Variants in NDRG4 observed in about 807,000 individuals in gnomAD.
The protein encoded by NDRG4 is NDRG family member 4, also known as protein NDRG4.
NDRG4 carries 38 observed loss-of-function variants against 55.8 expected under a neutral mutation model. That is an observed-to-expected ratio of 0.68 (90% CI 0.53 to 0.89). The LOEUF (loss-of-function observed/expected upper bound fraction) is 0.89. Ranked by LOEUF, NDRG4 falls within the 40% of genes least tolerant of loss-of-function variation. The pLI, the probability that NDRG4 is intolerant of heterozygous loss-of-function variation, is 0.00. For missense variants in NDRG4, 455 were observed against 468.6 expected, an observed-to-expected ratio of 0.97 and a Z score of 0.27; for synonymous variants, 190 against 182.7, an observed-to-expected ratio of 1.04 and a Z score of -0.32.
Position 58,511,442 on chromosome 16 carries a change from C to T in NDRG4, c.925C>T (p.Arg309Cys), listed in dbSNP as rs1412697390. 2.5e-6 allele frequency: 4 copies of T among 1,607,954 alleles called. No individual in the cohort carries two copies. The highest frequency in any genetic ancestry group is 1.3e-5 in the African/African-American group (1 of 74,810). The change falls in exon 15 of 15, where the codon CGC (arginine) becomes TGC (cysteine). Residue 309 changes from arginine (R) to cysteine (C), a missense_variant. Physicochemically the swap from Arg to Cys is radical, Grantham distance 180. Coordinates refer to ENST00000570248, the MANE Select transcript of NDRG4 (RefSeq NM_001242835.2). ...CACAGTGCCCTCAGCCAGCATGACC[C>T]GCCTGGCACGCTCCCGCACTGCATC... is the stretch of plus-strand genomic sequence containing the variant. ...GGAVPSASMT[R>C]LARSRTASLT...
intron 8 of NDRG4, chr16:58,507,240 TC>T: frequency 1.8e-6 from 1 of 557,180 alleles, no homozygotes; most frequent in Admixed American, 3.1e-5. Context: ...CTTTTCCTCC[TC>T]CCCTGGGGGC....
At position 58,464,557 on chromosome 16, in the gene NDRG4, C is replaced by A; in HGVS notation, c.-24+760C>A. ...GGCCGGGGACTGGGGCGGCTCGGGT[C>A]TGAGCAGGAAGGGGTGCGGACCCCA... On this transcript the variant is annotated intron_variant, in intron 1 of 15. Transcript: ENST00000258187. The surrounding 1 kb of genome is among the most constrained non-coding windows in gnomAD (Gnocchi z 4.8). 1 of 1,199,522 alleles carries A rather than the reference C, an allele frequency of 8.3e-7. No individual in the cohort carries two copies. Among genetic ancestry groups the A allele is most frequent in the Non-Finnish European group, 1.1e-6 (1 of 936,904 alleles). The allele number at this position is 1,199,522 out of a possible 1,614,324, so 74.3% of individuals were successfully genotyped here. A position where few individuals can be genotyped will look rare whatever the true frequency, so the allele number is the denominator to read the frequency against.
Position 58,506,952 on chromosome 16 carries a change from G to T in NDRG4, c.557G>T (p.Arg186Leu), listed in dbSNP as rs761399816. 6.2e-7 allele frequency: 1 copy of T among 1,614,116 alleles called. No individual in the cohort carries two copies. The highest frequency in any genetic ancestry group is 1.7e-5 in the Admixed American group (1 of 60,010). ...VNNTELVQSYRQQIGNVVNQA... is the reference protein window; with the variant it reads ...VNNTELVQSYLQQIGNVVNQA... ...AACACAGAGTTGGTGCAGAGCTACC[G>T]GCAGCAGATTGGGAACGTGGTGAAC... is the stretch of plus-strand genomic sequence containing the variant. Residue 186 changes from arginine (R) to leucine (L), a missense_variant, in exon 8 of 15, where the codon CGG becomes CTG. Physicochemically the swap from Arg to Leu is moderately radical, Grantham distance 102. Coordinates refer to ENST00000570248, the MANE Select transcript of NDRG4 (RefSeq NM_001242835.2).
downstream of NDRG4, among the ~76,000 whole-genome samples, chr16:58,514,779 AAACT>A (rs1276134696): frequency 6.6e-6 from 1 of 150,446 alleles, no homozygotes; most frequent in African/African-American, 2.4e-5. Context: ...AAAAAAAAAA[AAACT>A]GAGTGTTGAG....
chr16:58,506,015 C>T, intron 5 of NDRG4: 1 of 349,940 alleles, frequency 2.9e-6, no homozygotes. Flanking sequence ...AGCCACGGCG[C>T]CTGGCCAGGG....
At position 58,511,467 on chromosome 16, in the gene NDRG4, C is replaced by T. The variant is rs1204590394; in HGVS notation, c.950C>T (p.Ser317Phe). 2 of 1,612,824 alleles carry T rather than the reference C, an allele frequency of 1.2e-6. No individual in the cohort carries two copies. Among genetic ancestry groups the T allele is most frequent in the Non-Finnish European group, 1.7e-6 (2 of 1,179,920 alleles). Residue 317 changes from serine to phenylalanine, a missense_variant, in exon 15 of 15, where the codon TCC becomes TTC. By Grantham distance (155) the Ser-to-Phe change is radical (BLOSUM62 -2). Coordinates refer to ENST00000570248, the MANE Select transcript of NDRG4 (RefSeq NM_001242835.2). ...CGCCTGGCACGCTCCCGCACTGCAT[C>T]CCTCACCAGTGCCAGCTCGGTGGAT... ...MTRLARSRTA[S>F]LTSASSVDGS...
intron 3 of NDRG4, chr16:58,495,128 A>T (rs1242683538): frequency 1.0e-6 from 1 of 977,752 alleles, no homozygotes; most frequent in African/African-American, 1.6e-5. Flanking sequence ...TAACAGAGAG[A>T]TGCTGGGGTG....
At chr16:58,467,421 C>T (rs766642812) in intron 1 of NDRG4, among the ~76,000 whole-genome samples, 2 of 152,154 alleles carry the variant, frequency 1.3e-5, no homozygotes, top group African/African-American at 2.4e-5. Context: ...GCAGGAGAAT[C>T]ACTTGGACCT....
chr16:58,476,444 C>T (rs1332940298), intron 1 of NDRG4, among the ~76,000 whole-genome samples: 2 of 152,206 alleles, frequency 1.3e-5, no homozygotes, highest in Non-Finnish European at 2.9e-5. Flanking sequence ...TGTAGAGAAG[C>T]AGAGTTTACA....
chr16:58,489,026 T>C (rs903424013), intron 2 of NDRG4, among the ~76,000 whole-genome samples: 3 of 152,130 alleles, frequency 2.0e-5, no homozygotes, highest in Admixed American at 6.5e-5. Flanking sequence ...GAGCTGGGCA[T>C]GGTGGCTCAC....
chr16:58,464,389 C>T lies in NDRG4; in HGVS notation c.-24+592C>T. On this transcript the variant is annotated intron_variant, in intron 1 of 15. Coordinates refer to the NDRG4 transcript ENST00000258187. The surrounding 1 kb of genome is among the most constrained non-coding windows in gnomAD (Gnocchi z 4.8). ...TCCCCGGCTCGGCCGAGCGCGCTGC[C>T]CCGACGCCGCCACCCAGAGCCGGGC... The T allele has an allele frequency of 7.3e-7, 1 of 1,369,656 alleles. No individual in the cohort carries two copies. Among genetic ancestry groups the T allele is most frequent in the Non-Finnish European group, 9.4e-7 (1 of 1,065,366 alleles). The allele number at this position is 1,369,656 out of a possible 1,614,324, so 84.8% of individuals were successfully genotyped here. A position where few individuals can be genotyped will look rare whatever the true frequency, so the allele number is the denominator to read the frequency against.
chr16:58,464,925 C>T lies in NDRG4; in HGVS notation c.-24+1128C>T, dbSNP rs1054342089. 14 of 1,174,920 alleles carry T rather than the reference C, an allele frequency of 1.2e-5. No homozygotes were observed. In the African/African-American group the frequency reaches 2.1e-4, roughly 18 times the overall value. The allele number at this position is 1,174,920 out of a possible 1,614,324, so 72.8% of individuals were successfully genotyped here. A position where few individuals can be genotyped will look rare whatever the true frequency, so the allele number is the denominator to read the frequency against. On this transcript the variant is annotated intron_variant, in intron 1 of 15. Coordinates refer to the NDRG4 transcript ENST00000258187. This position sits in a 1 kb window ranked among gnomAD's most constrained non-coding sequence, Gnocchi z 4.8. ...GGGAGTGGAGGCGACGCCAAGTGGCCTGGGAAGTGGGAAGCCAGATTGGAC... is the reference window on the plus strand; with the variant it reads ...GGGAGTGGAGGCGACGCCAAGTGGCTTGGGAAGTGGGAAGCCAGATTGGAC...
At position 58,509,454 on chromosome 16, in the gene NDRG4, GGTA is replaced by G. The variant is rs2038493267; in HGVS notation, c.865+107_865+109del. 1.4e-5 allele frequency: 18 copies of G among 1,249,220 alleles called. No individual in the cohort carries two copies. The South Asian group carries it at 2.3e-4, about 16-fold the overall frequency. 77.4% of individuals were successfully genotyped at this position (1,249,220 alleles called of 1,614,324 possible). ...GCAGGGCTGGCACGTGGTGTCAGGT[GGTA>G]GTAGGGAGCCCATAAGCATAGGAGT... On this transcript the variant is annotated intron_variant, in intron 13 of 14. Transcript: ENST00000570248.
intron 2 of NDRG4, among the ~76,000 whole-genome samples, chr16:58,490,604 C>T (rs1276135210): frequency 6.6e-6 from 1 of 152,212 alleles, no homozygotes; most frequent in Non-Finnish European, 1.5e-5. Flanking sequence ...CCTGTGGAGG[C>T]TTCTTCCCTC....
intron 1 of NDRG4, among the ~76,000 whole-genome samples, chr16:58,476,515 A>G (rs2033649165): frequency 8.1e-6 from 1 of 124,206 alleles, no homozygotes; most frequent in Non-Finnish European, 1.7e-5. Flanking sequence ...CCTTTCTAAG[A>G]TGCACCTTTT....
chr16:58,512,187 C>T lies in NDRG4; in HGVS notation c.*611C>T, dbSNP rs962768180. ...AAGGGGTTTCTCTGCCCAAGGAAGA[C>T]AGAACATGGAGAACCGTCAGGGCAG... On this transcript the variant is annotated 3_prime_UTR_variant, in exon 15 of 15. Transcript: ENST00000570248. 4.5e-6 allele frequency: 2 copies of T among 443,460 alleles called. No homozygotes were observed. Among genetic ancestry groups the T allele is most frequent in the African/African-American group, 4.0e-5 (2 of 49,890 alleles). 27.5% of individuals were successfully genotyped at this position (443,460 alleles called of 1,614,324 possible). A position where few individuals can be genotyped will look rare whatever the true frequency, so the allele number is the denominator to read the frequency against.
intron 1 of NDRG4, among the ~76,000 whole-genome samples, chr16:58,468,129 A>G (rs778779448): frequency 1.3e-5 from 2 of 152,196 alleles, no homozygotes; most frequent in Non-Finnish European, 2.9e-5. Flanking sequence ...GCCCCCTCAC[A>G]TGTGGGACTA....
intron 1 of NDRG4, among the ~76,000 whole-genome samples, chr16:58,484,533 T>C (rs2034844616): frequency 6.6e-6 from 1 of 152,194 alleles, no homozygotes; most frequent in Non-Finnish European, 1.5e-5. Flanking sequence ...TTGCAGTGGC[T>C]CCAGGCCTTA....
At chr16:58,480,555 AC>A (rs1474091209) in intron 1 of NDRG4, among the ~76,000 whole-genome samples, 1 of 152,202 alleles carries the variant, frequency 6.6e-6, no homozygotes, top group East Asian at 1.9e-4. Context: ...TATGCCTATA[AC>A]TGACATTGGA....
Sources: gnomAD v4.1 joint callset for allele counts (sites outside exome capture counted in the v4.1 genomes callset) on GRCh38, gnomAD v4.1.1 for gene constraint, Gnocchi (gnomAD v3.1) non-coding constraint, MANE v1.5 for transcripts, NCBI Gene and HGNC (gene_info 2026-07-23, HGNC 2026-07-21) for gene names.